AUTS2: variants seen among roughly 807,000 people sequenced by gnomAD.
The protein encoded by AUTS2 is activator of transcription and developmental regulator AUTS2, also known as autism susceptibility gene 2 protein.
In AUTS2, 17 loss-of-function variants were observed where a neutral mutation model predicts 112.4. The observed-to-expected ratio is 0.15, with a 90% CI of 0.10 to 0.23. The LOEUF (loss-of-function observed/expected upper bound fraction) is 0.23, where lower values mean the gene tolerates loss of function less well. Ranked by LOEUF, AUTS2 falls within the 10% of genes least tolerant of loss-of-function variation. The pLI is 1.00. For missense variants in AUTS2, 1,510 were observed against 1,701.6 expected, an observed-to-expected ratio of 0.89 and a Z score of 1.98; for synonymous variants, 751 against 702.7, an observed-to-expected ratio of 1.07 and a Z score of -1.09.
intron 4 of AUTS2, among the ~76,000 whole-genome samples, chr7:70,333,284 A>C (rs1288955808): frequency 6.6e-6 from 1 of 152,190 alleles, no homozygotes; most frequent in Non-Finnish European, 1.5e-5. Flanking sequence ...TTAGAATGGC[A>C]ATCATTAAAA....
At chr7:69,689,704 GTCTC>G (rs1797240291) in intron 1 of AUTS2, among the ~76,000 whole-genome samples, 1 of 146,954 alleles carries the variant, frequency 6.8e-6, no homozygotes, top group Non-Finnish European at 1.5e-5. Context: ...TTGAGACAGA[GTCTC>G]TCTCTGTCGG....
intron 2 of AUTS2, among the ~76,000 whole-genome samples, chr7:70,099,377 A>T (rs1207091095): frequency 6.6e-6 from 1 of 152,262 alleles, no homozygotes; most frequent in East Asian, 1.9e-4. Context: ...GGATCTTAGC[A>T]TCTTCCTTAA....
intron 5 of AUTS2, among the ~76,000 whole-genome samples, chr7:70,549,609 T>A (rs1222307487): frequency 6.6e-6 from 1 of 152,228 alleles, no homozygotes; most frequent in East Asian, 1.9e-4. Flanking sequence ...GGAGAATCAC[T>A]TGAAACCAGG....
At chr7:69,772,788 T>TTATG (rs1788722992) in intron 1 of AUTS2, among the ~76,000 whole-genome samples, 1 of 152,166 alleles carries the variant, frequency 6.6e-6, no homozygotes, top group South Asian at 2.1e-4. Context: ...TTGTATCAGA[T>TTATG]TATGAGGAGC....
intron 1 of AUTS2, among the ~76,000 whole-genome samples, chr7:69,862,575 C>T (rs903342730): frequency 6.6e-6 from 1 of 152,038 alleles, no homozygotes; most frequent in African/African-American, 2.4e-5. Context: ...AGAAACTTCC[C>T]CTTAGACAGT....
intron 1 of AUTS2, among the ~76,000 whole-genome samples, chr7:69,824,091 G>T (rs1487910194): frequency 2.0e-5 from 3 of 152,066 alleles, no homozygotes; most frequent in Admixed American, 6.6e-5. Flanking sequence ...TTAGTCACTG[G>T]ATGTAAGTAC....
chr7:70,361,094 C>T (rs1446751982), intron 4 of AUTS2, among the ~76,000 whole-genome samples: 1 of 152,124 alleles, frequency 6.6e-6, no homozygotes, highest in Non-Finnish European at 1.5e-5. Flanking sequence ...GCGTGTAATC[C>T]CAGCACTTTG....
At chr7:69,926,653 C>T (rs943937927) in intron 2 of AUTS2, among the ~76,000 whole-genome samples, 1 of 151,226 alleles carries the variant, frequency 6.6e-6, no homozygotes, top group African/African-American at 2.4e-5. Context: ...TCCCTGCAGC[C>T]TTGAGAATGA....
intron 5 of AUTS2, among the ~76,000 whole-genome samples, chr7:70,621,838 CTTTTTTTTTTTTTTTTT>C (rs67123941): frequency 1.5e-5 from 1 of 66,788 alleles, no homozygotes; most frequent in Non-Finnish European, 2.6e-5. Flanking sequence ...TAGTCATTCT[CTTTTTTTTTTTTTTTTT>C]TTTTTTTTTT....
intron 1 of AUTS2, among the ~76,000 whole-genome samples, chr7:69,713,756 C>T (rs1343020788): frequency 1.3e-5 from 2 of 152,020 alleles, no homozygotes; most frequent in Non-Finnish European, 2.9e-5. Flanking sequence ...CCACTGTGCC[C>T]GGCCTTAAGA....
intron 1 of AUTS2, among the ~76,000 whole-genome samples, chr7:69,685,182 A>G (rs901638388): frequency 6.6e-6 from 1 of 152,230 alleles, no homozygotes; most frequent in Non-Finnish European, 1.5e-5. Context: ...CTCAAGCCAC[A>G]GTGGTTGACT....
rs1272114448 is a variant in AUTS2, at chr7:70,043,585, CTT to C, written c.523-74546_523-74545del. ...CCTTCCTTCCTTCCTTCCTTCCTTCCTTCCTTCCTTCCTTCCTTCCTTTTTTT... is the reference window on the plus strand; with the variant it reads ...CCTTCCTTCCTTCCTTCCTTCCTTCCCCTTCCTTCCTTCCTTCCTTTTTTT... On this transcript the variant is annotated intron_variant, in intron 2 of 18. Coordinates refer to ENST00000342771, the MANE Select transcript of AUTS2 (RefSeq NM_015570.4). Among the ~76,000 whole-genome samples the C allele has an allele frequency of 6.1e-5, 7 of 113,924 alleles. No individual in the cohort carries two copies. In the South Asian group the frequency reaches 9.1e-4, roughly 15 times the overall value. 74.7% of individuals were successfully genotyped at this position (113,924 alleles called of 152,430 possible).
chr7:70,650,984 A>G (rs1396826659), intron 5 of AUTS2, among the ~76,000 whole-genome samples: 2 of 152,200 alleles, frequency 1.3e-5, no homozygotes, highest in African/African-American at 4.8e-5. Context: ...AGGAAGGAGG[A>G]GGAAGTCCGA....
In AUTS2 at chr7:70,106,335, G is replaced by A. The variant is rs566977250; in HGVS notation, c.523-11797G>A. Reference sequence around the variant, plus strand: ...GACCCTTTATAACTATAGCATTAGTGCAGTTAGTGCTCTTGTTTCCAGGGG... The same window carrying A: ...GACCCTTTATAACTATAGCATTAGTACAGTTAGTGCTCTTGTTTCCAGGGG... On this transcript the variant is annotated intron_variant, in intron 2 of 18. Transcript: ENST00000342771. 1.6e-4 allele frequency among the ~76,000 whole-genome samples: 25 copies of A among 152,284 alleles called. No individual in the cohort carries two copies. In the South Asian group the frequency reaches 3.7e-3, roughly 23 times the overall value.
chr7:70,397,279 G>T (rs1286145399), intron 4 of AUTS2, among the ~76,000 whole-genome samples: 1 of 151,936 alleles, frequency 6.6e-6, no homozygotes, highest in East Asian at 1.9e-4. Flanking sequence ...TAGCCAGACT[G>T]GTCTCGAACT....
At chr7:70,540,005 T>C (rs887569513) in intron 5 of AUTS2, among the ~76,000 whole-genome samples, 3 of 152,112 alleles carry the variant, frequency 2.0e-5, no homozygotes, top group African/African-American at 7.2e-5. Context: ...GCCATTAGCT[T>C]TTTGTGGTGT....
chr7:70,701,329 G>A lies in AUTS2; in HGVS notation c.742+2709G>A, dbSNP rs189247377. Among the ~76,000 whole-genome samples the A allele has an allele frequency of 2.4e-4, 36 of 152,342 alleles. No homozygotes were observed. The South Asian group carries it at 6.2e-3, about 26-fold the overall frequency. Reference sequence around the variant, plus strand: ...GCAGAGGCAGCAGGGGCCGTGGCTCGAGGCCCATCAGTCAGCTTGTGAGCT... The same window carrying A: ...GCAGAGGCAGCAGGGGCCGTGGCTCAAGGCCCATCAGTCAGCTTGTGAGCT... On this transcript the variant is annotated intron_variant, in intron 6 of 18. Coordinates refer to ENST00000342771, the MANE Select transcript of AUTS2 (RefSeq NM_015570.4).
intron 1 of AUTS2, among the ~76,000 whole-genome samples, chr7:69,657,988 T>G (rs1795622354): frequency 6.6e-6 from 1 of 152,278 alleles, no homozygotes; most frequent in Non-Finnish European, 1.5e-5. Context: ...CCTGTTTTTA[T>G]GCGGTCATGA....
chr7:70,085,076 C>T (rs1803524460), intron 2 of AUTS2, among the ~76,000 whole-genome samples: 1 of 152,034 alleles, frequency 6.6e-6, no homozygotes, highest in African/African-American at 2.4e-5. Flanking sequence ...AGGGTTTCAC[C>T]GTGTTGCCGT....
Sources: gnomAD v4.1 joint callset for allele counts (sites outside exome capture counted in the v4.1 genomes callset) on GRCh38, gnomAD v4.1.1 for gene constraint, MANE v1.5 for transcripts, NCBI Gene and HGNC (gene_info 2026-07-23, HGNC 2026-07-21) for gene names.